The following GOLIM4 variants were observed in gnomAD, a reference collection of about 807,000 sequenced individuals.
The protein encoded by GOLIM4 is golgi integral membrane protein 4.
In GOLIM4, 71 loss-of-function variants were observed where a neutral mutation model predicts 107.4. That is an observed-to-expected ratio of 0.66 (90% confidence interval 0.55 to 0.81). GOLIM4 has a LOEUF of 0.81. Among genes scored for constraint, GOLIM4 ranks in the 30% least tolerant of loss-of-function variants. GOLIM4 has a pLI of 0.00. For missense variants in GOLIM4, 830 were observed against 826.1 expected, an observed-to-expected ratio of 1.00 and a Z score of -0.06; for synonymous variants, 327 against 294.8, an observed-to-expected ratio of 1.11 and a Z score of -1.12.
At chr3:168,082,212 A>C (rs1158887425) in intron 1 of GOLIM4, among the ~76,000 whole-genome samples, 1 of 152,168 alleles carries the variant, frequency 6.6e-6, no homozygotes, top group Non-Finnish European at 1.5e-5. Context: ...CACCCCCGCC[A>C]AGGATCCCAA....
At chr3:168,090,078 T>C (rs557184556) in intron 1 of GOLIM4, among the ~76,000 whole-genome samples, 1 of 152,298 alleles carries the variant, frequency 6.6e-6, no homozygotes, top group African/African-American at 2.4e-5. Context: ...AATGTTTCCT[T>C]TCTAAAAGTA....
chr3:168,067,245 T>C (rs1027168998), intron 1 of GOLIM4, among the ~76,000 whole-genome samples: 1 of 152,102 alleles, frequency 6.6e-6, no homozygotes, highest in Non-Finnish European at 1.5e-5. Flanking sequence ...AAAACTACCA[T>C]ACTTACAACT....
intron 4 of GOLIM4, 57 bp downstream of exon 4, chr3:168,044,771 T>A: frequency 1.0e-6 from 1 of 956,696 alleles, no homozygotes; most frequent in Admixed American, 2.4e-5. Context: ...CATTAGTCAG[T>A]TCAAGTATTA....
intron 1 of GOLIM4, among the ~76,000 whole-genome samples, chr3:168,071,197 A>C (rs932086694): frequency 6.6e-6 from 1 of 152,226 alleles, no homozygotes. Context: ...GAGTCATGCT[A>C]AAGTAGAGAG....
intron 14 of GOLIM4, among the ~76,000 whole-genome samples, chr3:168,019,289 T>A (rs1717550416): frequency 6.6e-6 from 1 of 152,228 alleles, no homozygotes. Flanking sequence ...TTGCCACACC[T>A]GCATCATCTA....
At chr3:168,040,929 G>T in intron 6 of GOLIM4, 60 bp from the exon 7 acceptor site, 1 of 1,120,746 alleles carries the variant, frequency 8.9e-7, no homozygotes, top group Non-Finnish European at 1.4e-6. Context: ...TTCTTCTTTG[G>T]CTGATCGTGA....
chr3:168,052,033 A>C (rs62273308), intron 1 of GOLIM4, among the ~76,000 whole-genome samples: 25,411 of 152,134 alleles, frequency 0.17, 2,395 homozygotes, highest in Middle Eastern at 0.24. Context: ...AGGGCTGAAG[A>C]CACAGCCTTG....
Position 168,010,206 on chromosome 3 carries a change from A to C in GOLIM4, c.*63T>G. On this transcript the variant is annotated 3_prime_UTR_variant, in exon 16 of 16. Coordinates refer to ENST00000470487, the MANE Select transcript of GOLIM4 (RefSeq NM_014498.5). ...AAATATCCTAGAGTTCAGTAGGCAG[A>C]TTTATGTTTGAGCAGCTTGAAAAGA... 6.8e-7 allele frequency: 1 copy of C among 1,471,972 alleles called. No individual in the cohort carries two copies. The highest frequency in any genetic ancestry group is 9.2e-7 in the Non-Finnish European group (1 of 1,082,816). 91.2% of individuals were successfully genotyped at this position (1,471,972 alleles called of 1,614,324 possible).
chr3:168,010,680 C>CCTAT (rs1716954446), intron 15 of GOLIM4, 63 bp downstream of exon 15: 7 of 1,169,650 alleles, frequency 6.0e-6, no homozygotes, highest in Middle Eastern at 1.9e-4. Flanking sequence ...ATATATCTCT[C>CCTAT]CTATACACAT....
At chr3:168,027,873 G>C (rs753662382) in intron 11 of GOLIM4, 36 bp from the exon 12 acceptor site, 4 of 1,302,558 alleles carry the variant, frequency 3.1e-6, no homozygotes, top group African/African-American at 1.5e-5. Context: ...AGCCCAAAAT[G>C]AATCAAACAG....
chr3:168,057,273 T>C (rs1720031219), intron 1 of GOLIM4, among the ~76,000 whole-genome samples: 1 of 152,220 alleles, frequency 6.6e-6, no homozygotes, highest in Non-Finnish European at 1.5e-5. Context: ...TTTTGTAAAC[T>C]GCCCAGTCTT....
intron 1 of GOLIM4, among the ~76,000 whole-genome samples, chr3:168,088,130 A>T (rs1045669795): frequency 6.6e-6 from 1 of 152,238 alleles, no homozygotes; most frequent in Admixed American, 6.5e-5. Flanking sequence ...TTGGCTGTCA[A>T]AATGAAAAAC....
chr3:168,021,327 T>C (rs929885339), intron 14 of GOLIM4, among the ~76,000 whole-genome samples: 48 of 152,202 alleles, frequency 3.2e-4, no homozygotes, highest in Admixed American at 7.2e-4. Context: ...CAACATTAGC[T>C]ATAGTGACGA....
chr3:168,085,363 CT>C (rs1373654277), intron 1 of GOLIM4, among the ~76,000 whole-genome samples: 1 of 152,150 alleles, frequency 6.6e-6, no homozygotes, highest in Non-Finnish European at 1.5e-5. Flanking sequence ...CATAATGAGC[CT>C]TTGGGAAATT....
intron 14 of GOLIM4, among the ~76,000 whole-genome samples, chr3:168,019,505 C>T (rs867589894): frequency 6.6e-6 from 1 of 152,100 alleles, no homozygotes; most frequent in South Asian, 2.1e-4. Context: ...TGCCTGTTTA[C>T]AGTTGGTATA....
chr3:168,023,153 T>C (rs1000055971), intron 14 of GOLIM4, among the ~76,000 whole-genome samples: 5 of 152,328 alleles, frequency 3.3e-5, no homozygotes, highest in African/African-American at 1.2e-4. Flanking sequence ...AAGGTGAACT[T>C]TTCTCTTTTA....
At chr3:168,023,176 T>C (rs1351843355) in intron 14 of GOLIM4, among the ~76,000 whole-genome samples, 2 of 152,182 alleles carry the variant, frequency 1.3e-5, no homozygotes, top group African/African-American at 4.8e-5. Flanking sequence ...CCCTCAAAGA[T>C]TCCTAGTATT....
chr3:168,024,150 G>A (rs557440719), intron 14 of GOLIM4, among the ~76,000 whole-genome samples: 2 of 152,324 alleles, frequency 1.3e-5, no homozygotes, highest in East Asian at 3.9e-4. Flanking sequence ...TAGGCACTGG[G>A]GAGATGCCTG....
At chr3:168,044,346 C>A (rs530131242) in intron 4 of GOLIM4, among the ~76,000 whole-genome samples, 1 of 152,286 alleles carries the variant, frequency 6.6e-6, no homozygotes, top group East Asian at 1.9e-4. Flanking sequence ...CTTCCTGACA[C>A]AGAATAATGA....
Sources: gnomAD v4.1 joint callset for allele counts (sites outside exome capture counted in the v4.1 genomes callset) on GRCh38, gnomAD v4.1.1 for gene constraint, MANE v1.5 for transcripts, NCBI Gene and HGNC (gene_info 2026-07-23, HGNC 2026-07-21) for gene names.